Variants in KLHDC4 observed in about 807,000 individuals in gnomAD.
KLHDC4 encodes kelch domain-containing protein 4.
A neutral mutation model predicts 62.4 loss-of-function variants in KLHDC4; 90 were observed. The ratio of observed to expected loss-of-function variants is 1.44; its 90% CI spans 1.22 to 1.72. The LOEUF (loss-of-function observed/expected upper bound fraction) is 1.72, where lower values mean the gene tolerates loss of function less well. Among genes scored for constraint, KLHDC4 ranks in the 40% most tolerant of loss-of-function variants. The pLI, the probability that KLHDC4 is intolerant of heterozygous loss-of-function variation, is 0.00. For synonymous variants in KLHDC4, 386 were observed against 284.4 expected (o/e 1.36, Z -3.59); for missense variants, 1,025 against 699.7 (o/e 1.47, Z -5.25).
intron 4 of KLHDC4, among the ~76,000 whole-genome samples, chr16:87,753,193 G>C (rs1351712566): frequency 6.6e-6 from 1 of 152,206 alleles, no homozygotes; most frequent in Admixed American, 6.5e-5. Flanking sequence ...ATCTGCACGG[G>C]GGCGTCCCCT....
At chr16:87,745,208 T>C (rs148312577) in intron 5 of KLHDC4, among the ~76,000 whole-genome samples, 1 of 152,280 alleles carries the variant, frequency 6.6e-6, no homozygotes, top group East Asian at 1.9e-4. Flanking sequence ...CCTACACCCA[T>C]ATTGCCCAGC....
At chr16:87,714,143 C>T (rs1482128519) in intron 8 of KLHDC4, among the ~76,000 whole-genome samples, 1 of 152,206 alleles carries the variant, frequency 6.6e-6, no homozygotes, top group Non-Finnish European at 1.5e-5. Context: ...GGCTTGTACT[C>T]AAGGCCCAGG....
chr16:87,755,262 TGTA>T lies in KLHDC4; in HGVS notation c.298_300del (p.Tyr100del). The stretch of plus-strand genomic sequence containing the variant: ...TTGGTCCAGGTGTCCTTTCTGGTAT[TGTA>T]GACATAGAGCTCGTTATACAAAAAA... On this transcript the variant is annotated inframe_deletion, in exon 4 of 12. Transcript: ENST00000270583. The T allele has an allele frequency of 6.2e-7, 1 of 1,607,524 alleles. No homozygotes were observed.
intron 4 of KLHDC4, among the ~76,000 whole-genome samples, chr16:87,751,124 A>C (rs901188778): frequency 3.3e-5 from 5 of 152,244 alleles, no homozygotes; most frequent in African/African-American, 1.2e-4. Flanking sequence ...CAACGGTAAA[A>C]AACACTATAG....
At chr16:87,729,811 C>T (rs2040018078) in intron 6 of KLHDC4, among the ~76,000 whole-genome samples, 2 of 152,160 alleles carry the variant, frequency 1.3e-5, no homozygotes, top group East Asian at 3.9e-4. Flanking sequence ...TGGCCAGCAA[C>T]GTCAACATCA....
rs1229661599 is a variant in KLHDC4 at position 87,748,803 on chromosome 16, C to T, written c.376G>A (p.Val126Ile). The part of the protein sequence containing the change: ...PPRRCAHQAV[V>I]VPQGGGQLWV... ...AGCTGTCCGCCACCTTGAGGCACTA[C>T]CACCGCCTGTGAAAAGAAAGGTGAC... Residue 126 changes from valine (V) to isoleucine (I), a missense_variant, in exon 5 of 12, where the codon GTA becomes ATA. Transcript: ENST00000270583. The T allele has an allele frequency of 6.2e-7, 1 of 1,612,514 alleles. No homozygotes were observed. Among genetic ancestry groups the T allele is most frequent in the East Asian group, 2.2e-5 (1 of 44,818 alleles).
At chr16:87,764,437 G>C (rs1363470185) in intron 1 of KLHDC4, among the ~76,000 whole-genome samples, 1 of 151,936 alleles carries the variant, frequency 6.6e-6, no homozygotes, top group Non-Finnish European at 1.5e-5. Context: ...ATCACCTGAG[G>C]TCAGGAGTCC....
exon 1 of KLHDC4, chr16:87,702,280 T>C (rs1393359939): frequency 4.4e-6 from 2 of 456,310 alleles, no homozygotes; most frequent in South Asian, 3.1e-5. Flanking sequence ...GCAGCCACTG[T>C]TTGGCAAGGA....
intron 5 of KLHDC4, among the ~76,000 whole-genome samples, chr16:87,746,519 G>T (rs769086856): frequency 6.6e-6 from 1 of 152,106 alleles, no homozygotes; most frequent in South Asian, 2.1e-4. Context: ...CAGGACCAAG[G>T]GTGACCTGCG....
At chr16:87,737,009 CA>C (rs1340537002) in intron 5 of KLHDC4, among the ~76,000 whole-genome samples, 1 of 146,388 alleles carries the variant, frequency 6.8e-6, no homozygotes, top group Non-Finnish European at 1.5e-5. Flanking sequence ...CCTGTAATCC[CA>C]GCTACTTGGG....
chr16:87,715,744 C>T lies in KLHDC4; in HGVS notation c.760-1171G>A, dbSNP rs565508819. Among the ~76,000 whole-genome samples the T allele has an allele frequency of 4.6e-5, 7 of 152,350 alleles. No individual in the cohort carries two copies. The East Asian group carries it at 1.4e-3, about 29-fold the overall frequency. The stretch of plus-strand genomic sequence containing the variant: ...GGTCCACACCATCAACAGGACTCAT[C>T]ACAGTGGATGCTGACATCGACCGCC... On this transcript the variant is annotated intron_variant, in intron 7 of 11. Coordinates refer to ENST00000270583, the MANE Select transcript of KLHDC4 (RefSeq NM_017566.4).
downstream of KLHDC4, chr16:87,703,049 T>C (rs931141144): frequency 8.5e-5 from 13 of 152,262 alleles, no homozygotes; most frequent in African/African-American, 3.1e-4. Context: ...AACAATGTCG[T>C]GTGACACTTT....
At chr16:87,734,379 T>C (rs1209936596) in intron 5 of KLHDC4, among the ~76,000 whole-genome samples, 1 of 151,978 alleles carries the variant, frequency 6.6e-6, no homozygotes, top group African/African-American at 2.4e-5. Flanking sequence ...AGACATGGAA[T>C]CTCAAACGTA....
intron 2 of KLHDC4, among the ~76,000 whole-genome samples, chr16:87,759,730 C>T (rs1046235003): frequency 6.6e-6 from 1 of 152,128 alleles, no homozygotes; most frequent in Non-Finnish European, 1.5e-5. Flanking sequence ...ACAAGAGCTA[C>T]ACTCCGTCTC....
chr16:87,727,018 T>C, intron 6 of KLHDC4, 94 bp from the exon 7 acceptor site: 2 of 1,374,026 alleles, frequency 1.5e-6, no homozygotes, highest in Non-Finnish European at 1.0e-6. Context: ...GTAAATTTCC[T>C]ACTGTTTGGG....
intron 4 of KLHDC4, among the ~76,000 whole-genome samples, chr16:87,751,137 A>G (rs1296739698): frequency 6.6e-6 from 1 of 152,246 alleles, no homozygotes; most frequent in Non-Finnish European, 1.5e-5. Context: ...CACTATAGAA[A>G]GAACACATAC....
intron 4 of KLHDC4, chr16:87,750,728 G>A (rs1259742157): frequency 6.6e-6 from 1 of 152,264 alleles, no homozygotes; most frequent in Non-Finnish European, 1.5e-5. Context: ...AACGGCCACA[G>A]TGCCGCCCCT....
intron 7 of KLHDC4, among the ~76,000 whole-genome samples, chr16:87,726,232 T>G (rs2039357878): frequency 1.7e-5 from 1 of 59,702 alleles, no homozygotes; most frequent in Non-Finnish European, 3.2e-5. Context: ...ACGCCGCGCC[T>G]CGCCCGTCTC....
At chr16:87,729,419 G>C (rs1431897009) in intron 6 of KLHDC4, 1 of 152,222 alleles carries the variant, frequency 6.6e-6, no homozygotes, top group Non-Finnish European at 1.5e-5. Context: ...GATACAGACA[G>C]CCACTGTCTC....
Sources: allele counts gnomAD v4.1 joint callset (sites outside exome capture counted in the v4.1 genomes callset), GRCh38; gene constraint gnomAD v4.1.1; transcripts MANE v1.5; gene names NCBI Gene and HGNC (gene_info 2026-07-23, HGNC 2026-07-21).